KHDRBS2: variants seen among roughly 807,000 people sequenced by gnomAD.
KHDRBS2 encodes KH RNA binding domain containing, signal transduction associated 2.
KHDRBS2 carries 26 observed loss-of-function variants against 44.3 expected under a neutral mutation model. That is an observed-to-expected ratio of 0.59 (90% CI 0.43 to 0.81). The LOEUF is 0.81. Ranked by LOEUF, KHDRBS2 falls within the 40% of genes least tolerant of loss-of-function variation. The probability of loss-of-function intolerance (pLI) is 0.00; values close to 1 mark genes in which losing one functional copy is unlikely to be tolerated. For missense variants in KHDRBS2, 476 were observed against 433.1 expected (o/e 1.10, Z -0.88); for synonymous variants, 194 against 151.1 (o/e 1.28, Z -2.08).
chr6:61,884,739 T>C (rs1375419725), intron 6 of KHDRBS2, among the ~76,000 whole-genome samples: 1 of 148,636 alleles, frequency 6.7e-6, no homozygotes, highest in Admixed American at 6.6e-5. Flanking sequence ...ACAAGGAAAT[T>C]AACAACACTA....
At chr6:61,983,232 C>CTTTT (rs1774297494) in intron 3 of KHDRBS2, among the ~76,000 whole-genome samples, 1 of 90,190 alleles carries the variant, frequency 1.1e-5, no homozygotes, top group African/African-American at 4.3e-5. Context: ...TTCTTTCTTT[C>CTTTT]TTTCTTTTTT....
intron 6 of KHDRBS2, among the ~76,000 whole-genome samples, chr6:61,748,034 G>A (rs1299548914): frequency 6.6e-6 from 1 of 152,104 alleles, no homozygotes; most frequent in African/African-American, 2.4e-5. Context: ...ACTGTTGCCT[G>A]AGCTGCAGTG....
chr6:61,763,922 C>T (rs1779627477), intron 6 of KHDRBS2, among the ~76,000 whole-genome samples: 1 of 152,138 alleles, frequency 6.6e-6, no homozygotes, highest in Non-Finnish European at 1.5e-5. Context: ...TATCAACACC[C>T]ATCACCTAGT....
At chr6:62,056,815 C>T (rs754881864) in intron 2 of KHDRBS2, among the ~76,000 whole-genome samples, 28 of 152,026 alleles carry the variant, frequency 1.8e-4, no homozygotes, top group Middle Eastern at 3.4e-3. Context: ...TCACACAATC[C>T]CGGCTGAGGA....
At chr6:62,284,316 T>C (rs1435653260) in intron 1 of KHDRBS2, among the ~76,000 whole-genome samples, 1 of 152,146 alleles carries the variant, frequency 6.6e-6, no homozygotes, top group Non-Finnish European at 1.5e-5. Flanking sequence ...GTAACTTTTT[T>C]TTCACTTTAA....
chr6:62,239,781 G>A (rs1327588182), intron 1 of KHDRBS2, among the ~76,000 whole-genome samples: 1 of 151,944 alleles, frequency 6.6e-6, no homozygotes. Flanking sequence ...CACGTCCCAG[G>A]TTCAAGCAAC....
intron 6 of KHDRBS2, among the ~76,000 whole-genome samples, chr6:61,833,272 G>T (rs1047669269): frequency 1.3e-5 from 2 of 152,082 alleles, no homozygotes; most frequent in Non-Finnish European, 2.9e-5. Context: ...TGTTAGTAAT[G>T]CTTTCTGGCC....
At chr6:61,801,122 A>G (rs571768997) in intron 6 of KHDRBS2, among the ~76,000 whole-genome samples, 1 of 152,216 alleles carries the variant, frequency 6.6e-6, no homozygotes, top group Non-Finnish European at 1.5e-5. Flanking sequence ...ATTACACTAC[A>G]TCAATAGTTT....
intron 6 of KHDRBS2, among the ~76,000 whole-genome samples, chr6:61,894,129 C>T (rs1802495311): frequency 6.6e-6 from 1 of 152,010 alleles, no homozygotes; most frequent in African/African-American, 2.4e-5. Context: ...TGCATTTTGT[C>T]TATTCATTGT....
intron 2 of KHDRBS2, among the ~76,000 whole-genome samples, chr6:62,073,823 A>G (rs1349105690): frequency 6.6e-6 from 1 of 151,718 alleles, no homozygotes; most frequent in East Asian, 2.0e-4. Flanking sequence ...GATCGACATT[A>G]GTTGTCAACA....
chr6:62,189,950 T>A (rs1156424878), intron 1 of KHDRBS2, among the ~76,000 whole-genome samples: 1 of 152,024 alleles, frequency 6.6e-6, no homozygotes, highest in African/African-American at 2.4e-5. Flanking sequence ...AGGAAAAGGT[T>A]GGGGGTTGAC....
Position 62,201,394 on chromosome 6 carries a change from C to A in KHDRBS2, c.92-24082G>T, listed in dbSNP as rs1826961255. Among the ~76,000 whole-genome samples, 4 of 152,026 alleles carry A rather than the reference C, an allele frequency of 2.6e-5. No individual in the cohort carries two copies. In the South Asian group the frequency reaches 6.2e-4, roughly 24 times the overall value. ...AAAGTTGTAAGAAGGGGCTGTGAAT[C>A]ATTTAACATGCTTAGAATATTAGTG... On this transcript the variant is annotated intron_variant, in intron 1 of 8. Transcript: ENST00000281156.
intron 2 of KHDRBS2, among the ~76,000 whole-genome samples, chr6:62,102,651 C>T (rs543600091): frequency 6.6e-6 from 1 of 152,292 alleles, no homozygotes; most frequent in East Asian, 1.9e-4. Context: ...CCTGACAACA[C>T]TAATTCCTGT....
At chr6:61,674,900 A>T in the KHDRBS2 span, among the ~76,000 whole-genome samples, 11 of 151,736 alleles carry the variant, frequency 7.2e-5, no homozygotes, top group African/African-American at 2.7e-4. Context: ...ACATTTTAAA[A>T]TTTTATTTAT....
intron 6 of KHDRBS2, among the ~76,000 whole-genome samples, chr6:61,849,006 G>A (rs1795056094): frequency 6.6e-6 from 1 of 151,794 alleles, no homozygotes; most frequent in Non-Finnish European, 1.5e-5. Flanking sequence ...TATCACACAG[G>A]GCAACAGCTA....
chr6:61,729,364 G>C (rs932183413), intron 7 of KHDRBS2, among the ~76,000 whole-genome samples: 1 of 152,104 alleles, frequency 6.6e-6, no homozygotes, highest in African/African-American at 2.4e-5. Flanking sequence ...AAAAAGAACT[G>C]ATGGTACGAG....
At chr6:61,563,158 A>G in the KHDRBS2 span, among the ~76,000 whole-genome samples, 2 of 152,262 alleles carry the variant, frequency 1.3e-5, no homozygotes, top group South Asian at 4.1e-4. Context: ...ACTTTCTGGT[A>G]TCAACACTAA....
intron 1 of KHDRBS2, among the ~76,000 whole-genome samples, chr6:62,284,454 T>C (rs754047221): frequency 2.0e-5 from 3 of 152,158 alleles, no homozygotes; most frequent in Non-Finnish European, 4.4e-5. Flanking sequence ...TAAACATCTA[T>C]TAACACATTA....
chr6:61,604,669 C>T, the KHDRBS2 span, among the ~76,000 whole-genome samples: 64 of 152,140 alleles, frequency 4.2e-4, no homozygotes, highest in African/African-American at 1.4e-3. Flanking sequence ...AGGGATTGTT[C>T]AGGCCCCCTC....
Sources: gnomAD v4.1 joint callset for allele counts (sites outside exome capture counted in the v4.1 genomes callset) on GRCh38, gnomAD v4.1.1 for gene constraint, MANE v1.5 for transcripts, NCBI Gene and HGNC (gene_info 2026-07-23, HGNC 2026-07-21) for gene names.